Variants in TMEM132C observed in about 807,000 individuals in gnomAD.
TMEM132C encodes protein phosphatase 1, regulatory subunit 152.
TMEM132C carries 29 observed loss-of-function variants against 61.4 expected under a neutral mutation model. The ratio of observed to expected loss-of-function variants is 0.47; its 90% CI spans 0.35 to 0.64. The LOEUF is 0.64. Ranked by LOEUF, TMEM132C falls within the 30% of genes least tolerant of loss-of-function variation. The probability of loss-of-function intolerance (pLI) is 0.00; values close to 1 mark genes in which losing one functional copy is unlikely to be tolerated. For synonymous variants in TMEM132C, 656 were observed against 633.1 expected, an observed-to-expected ratio of 1.04 and a Z score of -0.54; for missense variants, 1,408 against 1,476.9, an observed-to-expected ratio of 0.95 and a Z score of 0.76.
At chr12:128,645,855 C>A (rs1482822460) in intron 4 of TMEM132C, among the ~76,000 whole-genome samples, 4 of 151,950 alleles carry the variant, frequency 2.6e-5, no homozygotes, top group African/African-American at 9.7e-5. Context: ...CTACTGGAGT[C>A]CATCAGTGCT....
intron 2 of TMEM132C, among the ~76,000 whole-genome samples, chr12:128,457,012 C>T (rs1870369144): frequency 6.6e-6 from 1 of 152,174 alleles, no homozygotes. Context: ...GCAGAGCTCA[C>T]TTCCTTATAT....
intron 2 of TMEM132C, among the ~76,000 whole-genome samples, chr12:128,535,865 CA>C (rs58712156): frequency 4.1e-3 from 579 of 142,784 alleles, no homozygotes; most frequent in Non-Finnish European, 5.8e-3. Flanking sequence ...AAGACTCCAT[CA>C]AAAAAAAAAA....
At chr12:128,553,908 T>C (rs990899156) in intron 3 of TMEM132C, among the ~76,000 whole-genome samples, 4 of 152,320 alleles carry the variant, frequency 2.6e-5, no homozygotes, top group African/African-American at 9.6e-5. Context: ...GGACCCCGCG[T>C]GGTGCCCCTT....
intron 2 of TMEM132C, among the ~76,000 whole-genome samples, chr12:128,539,145 T>C (rs1216653227): frequency 6.6e-6 from 1 of 152,200 alleles, no homozygotes; most frequent in Non-Finnish European, 1.5e-5. Flanking sequence ...TGCCTCATGC[T>C]CTGCTGTTAT....
intron 3 of TMEM132C, among the ~76,000 whole-genome samples, chr12:128,591,785 C>T (rs1362553790): frequency 6.6e-6 from 1 of 152,154 alleles, no homozygotes; most frequent in Non-Finnish European, 1.5e-5. Flanking sequence ...GGCACGGTGG[C>T]TCATGCCTGT....
chr12:128,434,392 C>A (rs967279611), intron 2 of TMEM132C, among the ~76,000 whole-genome samples: 1 of 151,950 alleles, frequency 6.6e-6, no homozygotes, highest in East Asian at 1.9e-4. Flanking sequence ...CCTCTGCCTC[C>A]CGGGTTCAAG....
chr12:128,510,925 C>T (rs112070306), intron 2 of TMEM132C, among the ~76,000 whole-genome samples: 4,070 of 152,320 alleles, frequency 0.027, 102 homozygotes, highest in Admixed American at 0.077. Flanking sequence ...GTGTGCCGCT[C>T]ACCCACCGAT....
intron 4 of TMEM132C, among the ~76,000 whole-genome samples, chr12:128,657,380 GCT>G (rs1432575162): frequency 6.6e-5 from 10 of 152,272 alleles, no homozygotes; most frequent in Admixed American, 5.9e-4. Context: ...AGCTAGAAAA[GCT>G]CTTTTTCTTT....
At chr12:128,343,669 T>G (rs1046810274) in intron 1 of TMEM132C, among the ~76,000 whole-genome samples, 4 of 152,172 alleles carry the variant, frequency 2.6e-5, no homozygotes, top group African/African-American at 9.7e-5. Flanking sequence ...TTTAATATAT[T>G]AAGAGTTGTA....
chr12:128,653,739 T>A (rs922510511), intron 4 of TMEM132C, among the ~76,000 whole-genome samples: 5 of 152,192 alleles, frequency 3.3e-5, no homozygotes, highest in Non-Finnish European at 7.3e-5. Flanking sequence ...GAACAGCACC[T>A]GGTACTTGAA....
intron 1 of TMEM132C, among the ~76,000 whole-genome samples, chr12:128,394,431 A>G (rs984770585): frequency 6.6e-6 from 1 of 152,188 alleles, no homozygotes; most frequent in Middle Eastern, 3.2e-3. Context: ...TACAGGCAGG[A>G]AAGGGAACAA....
intron 2 of TMEM132C, among the ~76,000 whole-genome samples, chr12:128,426,591 T>C (rs1447780604): frequency 6.6e-6 from 1 of 152,226 alleles, no homozygotes; most frequent in Admixed American, 6.5e-5. Context: ...GTTTTCATTT[T>C]CTTCAGCTTG....
chr12:128,444,239 T>C (rs1869896889), intron 2 of TMEM132C, among the ~76,000 whole-genome samples: 1 of 152,158 alleles, frequency 6.6e-6, no homozygotes, highest in South Asian at 2.1e-4. Flanking sequence ...CTTCTTCAAG[T>C]TCTTTGTAGC....
At chr12:128,401,511 G>T (rs1392584832) in intron 1 of TMEM132C, among the ~76,000 whole-genome samples, 2 of 152,132 alleles carry the variant, frequency 1.3e-5, no homozygotes, top group East Asian at 3.9e-4. Flanking sequence ...GACTGGTATA[G>T]CTATGTTGGA....
intron 1 of TMEM132C, among the ~76,000 whole-genome samples, chr12:128,401,661 A>AT (rs1223537335): frequency 1.3e-5 from 2 of 152,192 alleles, no homozygotes; most frequent in Non-Finnish European, 2.9e-5. Flanking sequence ...ATGTGGAATC[A>AT]TTGCCCTTCT....
intron 5 of TMEM132C, among the ~76,000 whole-genome samples, chr12:128,673,509 A>G (rs1221755063): frequency 1.3e-5 from 2 of 152,222 alleles, no homozygotes; most frequent in African/African-American, 2.4e-5. Flanking sequence ...GACCTCCCCA[A>G]AGAGACAATG....
At chr12:128,371,544 T>C (rs1338881696) in intron 1 of TMEM132C, among the ~76,000 whole-genome samples, 1 of 152,150 alleles carries the variant, frequency 6.6e-6, no homozygotes, top group Non-Finnish European at 1.5e-5. Flanking sequence ...TTTTTGTTGT[T>C]GTTGTTATTT....
intron 3 of TMEM132C, among the ~76,000 whole-genome samples, chr12:128,557,742 G>T (rs1184318061): frequency 5.3e-5 from 8 of 152,228 alleles, no homozygotes; most frequent in Non-Finnish European, 1.2e-4. Flanking sequence ...ACAGACTCTT[G>T]TTATTGAGGC....
intron 1 of TMEM132C, among the ~76,000 whole-genome samples, chr12:128,344,175 T>G (rs1019627215): frequency 5.3e-5 from 8 of 152,246 alleles, no homozygotes; most frequent in African/African-American, 1.9e-4. Context: ...TTTTATTTTT[T>G]GAGACGGAGT....
Sources: allele counts gnomAD v4.1 joint callset (sites outside exome capture counted in the v4.1 genomes callset), GRCh38; gene constraint gnomAD v4.1.1; transcripts MANE v1.5; gene names NCBI Gene and HGNC (gene_info 2026-07-23, HGNC 2026-07-21).